GRID1: variants seen among roughly 807,000 people sequenced by gnomAD.
The protein encoded by GRID1 is glutamate ionotropic receptor delta type subunit 1.
GRID1 carries 28 observed loss-of-function variants against 98.0 expected under a neutral mutation model. The ratio of observed to expected loss-of-function variants is 0.29; its 90% CI spans 0.21 to 0.39. The LOEUF (loss-of-function observed/expected upper bound fraction) is 0.39. GRID1 is among the 10% of genes least tolerant of loss of function. The pLI, the probability that GRID1 is intolerant of heterozygous loss-of-function variation, is 1.00. For missense variants in GRID1, 1,111 were observed against 1,340.5 expected (o/e 0.83, Z 2.67); for synonymous variants, 553 against 538.5 (o/e 1.03, Z -0.37).
intron 8 of GRID1, among the ~76,000 whole-genome samples, chr10:85,830,431 T>C (rs1007275200): frequency 6.6e-5 from 10 of 152,066 alleles, no homozygotes; most frequent in Non-Finnish European, 1.3e-4. Flanking sequence ...CCAAAAGCAA[T>C]TGCAACATAA....
intron 8 of GRID1, among the ~76,000 whole-genome samples, chr10:85,766,286 G>A (rs1228082434): frequency 2.0e-5 from 3 of 152,166 alleles, no homozygotes; most frequent in Non-Finnish European, 4.4e-5. Flanking sequence ...AAGAGTTCGA[G>A]ACCAGCTTGG....
At chr10:85,846,402 T>G (rs1391210817) in intron 8 of GRID1, among the ~76,000 whole-genome samples, 1 of 152,144 alleles carries the variant, frequency 6.6e-6, no homozygotes, top group Admixed American at 6.5e-5. Context: ...CATGTGCCTA[T>G]AGTCCCAGCT....
chr10:85,654,117 G>T (rs78554325), intron 12 of GRID1, among the ~76,000 whole-genome samples: 15,590 of 152,076 alleles, frequency 0.1, 946 homozygotes, highest in African/African-American at 0.17. Context: ...GAAAATGCAC[G>T]CTTCCATAGG....
intron 2 of GRID1, among the ~76,000 whole-genome samples, chr10:86,261,268 A>G (rs906387523): frequency 7.2e-5 from 11 of 152,238 alleles, no homozygotes; most frequent in African/African-American, 2.4e-4. Flanking sequence ...CCAGAGCTCT[A>G]TGCTAGCAGG....
At chr10:86,340,346 G>A (rs979829422) in intron 2 of GRID1, among the ~76,000 whole-genome samples, 2 of 152,218 alleles carry the variant, frequency 1.3e-5, no homozygotes, top group African/African-American at 2.4e-5. Flanking sequence ...TTCCCTAACT[G>A]GGCTGTGCTG....
At chr10:85,739,153 CACAA>C (rs1352090910) in intron 8 of GRID1, among the ~76,000 whole-genome samples, 2 of 152,092 alleles carry the variant, frequency 1.3e-5, no homozygotes, top group Admixed American at 1.3e-4. Context: ...GTGCCATACA[CACAA>C]ACACACACAC....
intron 13 of GRID1, among the ~76,000 whole-genome samples, chr10:85,633,214 G>A (rs1168287410): frequency 6.6e-6 from 1 of 152,138 alleles, no homozygotes; most frequent in Non-Finnish European, 1.5e-5. Context: ...ACAGGTGTGA[G>A]CCACCATGGC....
At chr10:86,212,861 T>C (rs56282012) in intron 2 of GRID1, among the ~76,000 whole-genome samples, 8,826 of 152,320 alleles carry the variant, frequency 0.058, 278 homozygotes, top group Middle Eastern at 0.078. Context: ...ATACGTTTCA[T>C]CTTTTATTAA....
At chr10:85,826,528 G>A (rs750322236) in intron 8 of GRID1, among the ~76,000 whole-genome samples, 12 of 152,016 alleles carry the variant, frequency 7.9e-5, no homozygotes, top group Admixed American at 2.6e-4. Flanking sequence ...CTGTTGTTGC[G>A]GGCGTAAGCA....
chr10:86,101,176 G>A (rs1021059819), intron 4 of GRID1, among the ~76,000 whole-genome samples: 4 of 152,168 alleles, frequency 2.6e-5, no homozygotes, highest in Admixed American at 2.6e-4. Context: ...AACAGATCCA[G>A]GAGAGGAGCA....
chr10:85,727,664 C>T (rs1030621542), intron 10 of GRID1, among the ~76,000 whole-genome samples, 191 bp downstream of exon 10: 7 of 151,994 alleles, frequency 4.6e-5, no homozygotes, highest in Admixed American at 1.3e-4. Flanking sequence ...GTGTCAGAGA[C>T]GAGGAGATAC....
intron 8 of GRID1, among the ~76,000 whole-genome samples, chr10:85,831,663 G>A (rs1171549230): frequency 6.6e-6 from 1 of 151,890 alleles, no homozygotes; most frequent in South Asian, 2.1e-4. Context: ...CCAAAAAAAC[G>A]ACTAGAAAAA....
At position 86,277,414 on chromosome 10, in the gene GRID1, G is replaced by A. The variant is rs138627694; in HGVS notation, c.236-70766C>T. Among the ~76,000 whole-genome samples the A allele has an allele frequency of 4.7e-3, 709 of 152,152 alleles. 9 individuals carry two copies. Among genetic ancestry groups the A allele is most frequent in the African/African-American group, 0.016 (661 of 41,518 alleles). On this transcript the variant is annotated intron_variant, in intron 2 of 15. Transcript: ENST00000327946. ...GGAATAAATGCAAAGGTAACTACAC[G>A]GGCAAACATAAAAGCCATTCTTGAA...
At chr10:86,036,021 G>T (rs922570099) in intron 4 of GRID1, among the ~76,000 whole-genome samples, 3 of 152,152 alleles carry the variant, frequency 2.0e-5, no homozygotes, top group Non-Finnish European at 2.9e-5. Context: ...AGGGCACATC[G>T]CCAAATGCAT....
chr10:86,332,203 C>T (rs1848153572), intron 2 of GRID1, among the ~76,000 whole-genome samples: 1 of 152,200 alleles, frequency 6.6e-6, no homozygotes, highest in Non-Finnish European at 1.5e-5. Flanking sequence ...GATTGGCTTC[C>T]TAACAGCCCC....
chr10:86,120,332 C>T (rs920778395), intron 4 of GRID1, among the ~76,000 whole-genome samples: 1 of 152,204 alleles, frequency 6.6e-6, no homozygotes, highest in Non-Finnish European at 1.5e-5. Flanking sequence ...AGACTCAGCT[C>T]AGATGGTGCT....
rs138323737 is a variant in GRID1, at chr10:86,127,219, C to A, written c.726+11600G>T. Among the ~76,000 whole-genome samples the A allele has an allele frequency of 9.5e-4, 144 of 152,182 alleles. 1 individual carries two copies. In the East Asian group the frequency reaches 0.022, roughly 23 times the overall value. On this transcript the variant is annotated intron_variant, in intron 4 of 15. Transcript: ENST00000327946. ...CTCTCTCTAGTGTAGTCTGGCGGTG[C>A]TTCAGGGGCAGAGACCATGTCTTTC...
chr10:86,275,399 A>C (rs1245109465), intron 2 of GRID1, among the ~76,000 whole-genome samples: 1 of 152,126 alleles, frequency 6.6e-6, no homozygotes, highest in Non-Finnish European at 1.5e-5. Context: ...ATTCAAAGGA[A>C]CAAAGTAAAT....
At chr10:86,043,135 T>C (rs1223501361) in intron 4 of GRID1, among the ~76,000 whole-genome samples, 2 of 151,698 alleles carry the variant, frequency 1.3e-5, no homozygotes, top group Non-Finnish European at 2.9e-5. Context: ...GAGAGTGGAG[T>C]TACATACCTT....
Sources: allele counts gnomAD v4.1 joint callset (sites outside exome capture counted in the v4.1 genomes callset), GRCh38; gene constraint gnomAD v4.1.1; transcripts MANE v1.5; gene names NCBI Gene and HGNC (gene_info 2026-07-23, HGNC 2026-07-21).